The following DPP10 variants were observed in gnomAD, a reference collection of about 807,000 sequenced individuals.
DPP10 encodes the protein dipeptidyl peptidase like 10, also known as inactive dipeptidyl peptidase 10.
Under a neutral mutation model 120.9 loss-of-function variants are expected in DPP10, and 33 were observed. The ratio of observed to expected loss-of-function variants is 0.27; its 90% CI spans 0.21 to 0.37. The LOEUF is 0.37. DPP10 is among the 10% of genes least tolerant of loss of function. The probability of loss-of-function intolerance (pLI) is 1.00; values close to 1 mark genes in which losing one functional copy is unlikely to be tolerated. For synonymous variants in DPP10, 337 were observed against 326.1 expected (o/e 1.03, Z -0.36); for missense variants, 816 against 942.8 (o/e 0.87, Z 1.76).
At chr2:115,397,858 G>A (rs768184301) in intron 3 of DPP10, among the ~76,000 whole-genome samples, 10 of 152,182 alleles carry the variant, frequency 6.6e-5, no homozygotes, top group Middle Eastern at 3.4e-3. Context: ...AGTATGTCCC[G>A]GTGTATGTAA....
chr2:114,628,554 A>AT (rs1233030224), intron 1 of DPP10, among the ~76,000 whole-genome samples: 1 of 152,148 alleles, frequency 6.6e-6, no homozygotes, highest in Admixed American at 6.6e-5. Flanking sequence ...TTTTTCATTC[A>AT]TGGGTCTTTT....
At chr2:114,781,479 T>A (rs17043547) in intron 1 of DPP10, among the ~76,000 whole-genome samples, 3,243 of 151,888 alleles carry the variant, frequency 0.021, 82 homozygotes, top group African/African-American at 0.044. Flanking sequence ...CACAGATAGA[T>A]CCATTATTTG....
chr2:114,870,555 C>A (rs1690613195), intron 1 of DPP10, among the ~76,000 whole-genome samples: 1 of 82,566 alleles, frequency 1.2e-5, no homozygotes, highest in Admixed American at 1.4e-4. Context: ...AAAGGGGGAA[C>A]TCTTGGCTGA....
At position 115,633,324 on chromosome 2, in the gene DPP10, C is replaced by T. The variant is rs1281592284; in HGVS notation, c.442-56363C>T. ...GAAACCATCATTCTCAGCAAACTAT[C>T]GCAAGGACAGAAAACCAAACACCAC... On this transcript the variant is annotated intron_variant, in intron 5 of 25. Transcript: ENST00000410059. Among the ~76,000 whole-genome samples the T allele has an allele frequency of 3.9e-5, 6 of 152,076 alleles. No individual in the cohort carries two copies. The East Asian group carries it at 7.7e-4, about 20-fold the overall frequency.
intron 3 of DPP10, among the ~76,000 whole-genome samples, chr2:115,445,093 TC>T (rs1225840043): frequency 6.6e-6 from 1 of 152,184 alleles, no homozygotes; most frequent in Admixed American, 6.5e-5. Flanking sequence ...TCTCTCTCTT[TC>T]CTGTCACCTT....
chr2:114,522,865 G>T (rs1573559390), intron 1 of DPP10, among the ~76,000 whole-genome samples: 1 of 152,196 alleles, frequency 6.6e-6, no homozygotes, highest in Non-Finnish European at 1.5e-5. Context: ...ACTCCTCTTT[G>T]TAAAACTGTC....
intron 11 of DPP10, among the ~76,000 whole-genome samples, chr2:115,761,736 G>A (rs985819885): frequency 2.6e-5 from 4 of 151,682 alleles, no homozygotes; most frequent in African/African-American, 7.3e-5. Context: ...CAATTATAAT[G>A]TAATCATAAT....
chr2:114,663,320 A>C (rs1478025833), intron 1 of DPP10, among the ~76,000 whole-genome samples: 1 of 150,212 alleles, frequency 6.7e-6, no homozygotes, highest in African/African-American at 2.4e-5. Context: ...ACATATATGT[A>C]TGAAATGAGT....
chr2:115,004,786 G>A (rs1197035064), intron 1 of DPP10, among the ~76,000 whole-genome samples: 1 of 152,148 alleles, frequency 6.6e-6, no homozygotes, highest in East Asian at 1.9e-4. Context: ...CAGCGAGGCT[G>A]GGGGAGGGGC....
At chr2:115,167,193 A>G (rs753707477) in intron 1 of DPP10, among the ~76,000 whole-genome samples, 7 of 151,926 alleles carry the variant, frequency 4.6e-5, no homozygotes, top group Non-Finnish European at 1.0e-4. Flanking sequence ...GTTTTTGAAT[A>G]AGGTCTGACT....
At chr2:115,802,680 C>T (rs568023321) in intron 19 of DPP10, among the ~76,000 whole-genome samples, 28 of 152,226 alleles carry the variant, frequency 1.8e-4, no homozygotes, top group Middle Eastern at 3.4e-3. Flanking sequence ...GCCTTCATTT[C>T]GTTATGTACC....
At position 114,963,305 on chromosome 2, in the gene DPP10, G is replaced by C. The variant is rs763593385; in HGVS notation, c.61-345934G>C. Among the ~76,000 whole-genome samples the C allele has an allele frequency of 3.3e-5, 5 of 152,238 alleles. No homozygotes were observed. The East Asian group carries it at 7.7e-4, about 24-fold the overall frequency. ...ACTGGTCATTTGATAAACTTGAAAAGAGAGGACACAAATGTCAGTATCTGT... is the reference window on the plus strand; with the variant it reads ...ACTGGTCATTTGATAAACTTGAAAACAGAGGACACAAATGTCAGTATCTGT... On this transcript the variant is annotated intron_variant, in intron 1 of 25. Transcript: ENST00000410059.
chr2:115,828,967 G>A (rs13430629), intron 21 of DPP10, among the ~76,000 whole-genome samples: 198 of 152,154 alleles, frequency 1.3e-3, no homozygotes, highest in African/African-American at 4.6e-3. Flanking sequence ...CTATATTAAA[G>A]ATAGCAGTCT....
intron 1 of DPP10, among the ~76,000 whole-genome samples, chr2:114,756,011 G>A (rs1286720433): frequency 1.3e-5 from 2 of 149,962 alleles, no homozygotes; most frequent in Non-Finnish European, 3.0e-5. Context: ...ACCTAAGAGA[G>A]GCAGATTGTA....
chr2:115,532,485 G>A (rs1436871096), intron 5 of DPP10, among the ~76,000 whole-genome samples: 1 of 151,876 alleles, frequency 6.6e-6, no homozygotes, highest in African/African-American at 2.4e-5. Flanking sequence ...TTAATTGGAA[G>A]GCAAGTGAAA....
intron 1 of DPP10, among the ~76,000 whole-genome samples, chr2:115,014,394 A>G (rs1038691214): frequency 6.6e-5 from 10 of 152,188 alleles, no homozygotes; most frequent in African/African-American, 2.2e-4. Context: ...AGAAAGCGGG[A>G]AAGATCTAAA....
intron 1 of DPP10, among the ~76,000 whole-genome samples, chr2:114,586,977 A>G (rs1052838993): frequency 3.9e-5 from 6 of 152,124 alleles, no homozygotes; most frequent in African/African-American, 9.7e-5. Flanking sequence ...CTGCAAAACC[A>G]TAAGTCAAAC....
intron 3 of DPP10, among the ~76,000 whole-genome samples, chr2:115,370,403 G>A (rs2065332514): frequency 6.6e-6 from 1 of 152,092 alleles, no homozygotes; most frequent in Non-Finnish European, 1.5e-5. Context: ...CTCGAAAGCT[G>A]TAGTGTATGT....
chr2:114,666,642 T>C (rs1697945281), intron 1 of DPP10, among the ~76,000 whole-genome samples: 1 of 152,134 alleles, frequency 6.6e-6, no homozygotes. Context: ...CAGAGAGACA[T>C]AGAACCAGAT....
Sources: allele counts gnomAD v4.1 joint callset (sites outside exome capture counted in the v4.1 genomes callset), GRCh38; gene constraint gnomAD v4.1.1; transcripts MANE v1.5; gene names NCBI Gene and HGNC (gene_info 2026-07-23, HGNC 2026-07-21).